ATG10: variants seen among roughly 807,000 people sequenced by gnomAD.
ATG10 encodes autophagy related 10, also known as ubiquitin-like-conjugating enzyme ATG10.
Under a neutral mutation model 32.1 loss-of-function variants are expected in ATG10, and 30 were observed. The ratio of observed to expected loss-of-function variants is 0.94; its 90% CI spans 0.70 to 1.27. The LOEUF (loss-of-function observed/expected upper bound fraction) is 1.27. ATG10 is among the 50% of genes most tolerant of loss of function. ATG10 has a pLI of 0.00. For missense variants in ATG10, 233 were observed against 262.3 expected (o/e 0.89, Z 0.77); for synonymous variants, 87 against 91.5 (o/e 0.95, Z 0.28).
chr5:82,056,986 TA>T (rs1186940152), intron 2 of ATG10, among the ~76,000 whole-genome samples: 1 of 152,108 alleles, frequency 6.6e-6, no homozygotes, highest in Non-Finnish European at 1.5e-5. Context: ...AGCTGGAATT[TA>T]AAACAGTAAT....
At chr5:82,110,839 T>C (rs1201083752) in intron 3 of ATG10, among the ~76,000 whole-genome samples, 2 of 151,970 alleles carry the variant, frequency 1.3e-5, no homozygotes, top group Non-Finnish European at 2.9e-5. Flanking sequence ...ATGCCTGTTA[T>C]TTTAAATAAA....
At chr5:82,077,476 G>A (rs1764315773) in intron 3 of ATG10, among the ~76,000 whole-genome samples, 2 of 152,080 alleles carry the variant, frequency 1.3e-5, no homozygotes. Flanking sequence ...GTGGGTTTTT[G>A]GATGTCCTGT....
intron 3 of ATG10, among the ~76,000 whole-genome samples, chr5:82,112,216 T>A (rs150925189): frequency 2.6e-5 from 4 of 152,094 alleles, no homozygotes; most frequent in Admixed American, 1.3e-4. Flanking sequence ...GTCCACTGCA[T>A]CTTTCTCCTC....
At chr5:82,185,630 T>A (rs1034109270) in intron 5 of ATG10, among the ~76,000 whole-genome samples, 1 of 151,748 alleles carries the variant, frequency 6.6e-6, no homozygotes, top group Non-Finnish European at 1.5e-5. Flanking sequence ...AAAAAAAAAA[T>A]AAAAACACAA....
At chr5:82,058,370 T>C (rs1433355685) in intron 2 of ATG10, 125 bp from the exon 3 acceptor site, 2 of 666,438 alleles carry the variant, frequency 3.0e-6, no homozygotes, top group Non-Finnish European at 2.7e-6. Flanking sequence ...TTTATCCATA[T>C]AGTCTCATTT....
At chr5:82,137,314 C>G (rs928890056) in intron 3 of ATG10, among the ~76,000 whole-genome samples, 3 of 152,144 alleles carry the variant, frequency 2.0e-5, no homozygotes, top group Admixed American at 6.5e-5. Context: ...GAATTTTTAG[C>G]CTTTTTGTAC....
chr5:82,160,439 T>A (rs983944073), intron 3 of ATG10, among the ~76,000 whole-genome samples: 2 of 152,204 alleles, frequency 1.3e-5, no homozygotes, highest in African/African-American at 4.8e-5. Context: ...ACCTCATTGT[T>A]TCAATTTTTT....
chr5:81,990,733 T>C (rs2149671272), intron 2 of ATG10, among the ~76,000 whole-genome samples: 1 of 152,306 alleles, frequency 6.6e-6, no homozygotes, highest in African/African-American at 2.4e-5. Flanking sequence ...TTACAATAAA[T>C]GGGTCAGGCT....
intron 3 of ATG10, among the ~76,000 whole-genome samples, chr5:82,139,009 C>G (rs569689997): frequency 6.6e-6 from 1 of 150,938 alleles, no homozygotes; most frequent in Non-Finnish European, 1.5e-5. Flanking sequence ...CGCGCCGCCA[C>G]GCCTGACTGG....
At chr5:82,060,849 CT>C (rs1041802684) in intron 3 of ATG10, among the ~76,000 whole-genome samples, 1 of 148,614 alleles carries the variant, frequency 6.7e-6, no homozygotes, top group African/African-American at 2.5e-5. Context: ...GAGACCTTGT[CT>C]GGGAAAAAAA....
At chr5:82,030,551 G>T (rs1561263336) in intron 2 of ATG10, among the ~76,000 whole-genome samples, 1 of 152,054 alleles carries the variant, frequency 6.6e-6, no homozygotes, top group Non-Finnish European at 1.5e-5. Flanking sequence ...CCTCAGTTTT[G>T]CTAACTTCTC....
At chr5:82,099,352 A>G (rs1470993300) in intron 3 of ATG10, among the ~76,000 whole-genome samples, 1 of 138,442 alleles carries the variant, frequency 7.2e-6, no homozygotes. Flanking sequence ...GATGTAACTT[A>G]AGGGATATTG....
intron 4 of ATG10, among the ~76,000 whole-genome samples, chr5:82,168,817 A>G (rs896969126): frequency 3.3e-5 from 5 of 152,232 alleles, no homozygotes; most frequent in East Asian, 1.9e-4. Flanking sequence ...TAAATCATCA[A>G]GCAGGAAAAG....
At chr5:82,041,280 A>G (rs1036877353) in intron 2 of ATG10, among the ~76,000 whole-genome samples, 3 of 152,226 alleles carry the variant, frequency 2.0e-5, no homozygotes, top group African/African-American at 7.2e-5. Flanking sequence ...CCCATATCAG[A>G]ATATAATCTT....
chr5:82,163,558 TC>T (rs1423711064), intron 3 of ATG10, among the ~76,000 whole-genome samples: 7 of 152,202 alleles, frequency 4.6e-5, no homozygotes, highest in Non-Finnish European at 1.0e-4. Flanking sequence ...CCTGCTTCAT[TC>T]CTTCTAGTAC....
chr5:82,071,231 G>C (rs961994677), intron 3 of ATG10, among the ~76,000 whole-genome samples: 1 of 152,092 alleles, frequency 6.6e-6, no homozygotes, highest in Non-Finnish European at 1.5e-5. Flanking sequence ...AGAGCTGATC[G>C]TAGGGGATCT....
chr5:82,160,494 T>C (rs764890647), intron 3 of ATG10, among the ~76,000 whole-genome samples: 1 of 152,164 alleles, frequency 6.6e-6, no homozygotes, highest in Non-Finnish European at 1.5e-5. Context: ...GCACAGGTTT[T>C]TCAATGCTCT....
At chr5:82,232,717 G>A (rs1746410039) in intron 5 of ATG10, among the ~76,000 whole-genome samples, 1 of 151,844 alleles carries the variant, frequency 6.6e-6, no homozygotes, top group Non-Finnish European at 1.5e-5. Context: ...TGCCTCTTTT[G>A]CTTTCTTTTC....
In ATG10 at chr5:82,203,938, A is replaced by T. The variant is rs533059100; in HGVS notation, c.453+25351A>T. ...ATTTAATAATATTCATTGAGCACCT[A>T]TGAGGTACTCAATAACAGAATAGGT... On this transcript the variant is annotated intron_variant, in intron 5 of 7. Transcript: ENST00000282185. Among the ~76,000 whole-genome samples, 4 of 152,316 alleles carry T rather than the reference A, an allele frequency of 2.6e-5. No individual in the cohort carries two copies. The South Asian group carries it at 8.3e-4, about 32-fold the overall frequency.
Sources: allele counts gnomAD v4.1 joint callset (sites outside exome capture counted in the v4.1 genomes callset), GRCh38; gene constraint gnomAD v4.1.1; transcripts MANE v1.5; gene names NCBI Gene and HGNC (gene_info 2026-07-23, HGNC 2026-07-21).